The following CNTN5 variants were observed in gnomAD, a reference collection of about 807,000 sequenced individuals.
CNTN5 encodes the protein contactin 5.
Under a neutral mutation model 129.1 loss-of-function variants are expected in CNTN5, and 77 were observed. The ratio of observed to expected loss-of-function variants is 0.60; its 90% confidence interval spans 0.50 to 0.72. The LOEUF (loss-of-function observed/expected upper bound fraction) is 0.72. CNTN5 is among the 30% of genes least tolerant of loss of function. The pLI is 0.00. For missense variants in CNTN5, 1,478 were observed against 1,328.8 expected (o/e 1.11, Z -1.75); for synonymous variants, 509 against 465.6 (o/e 1.09, Z -1.20).
chr11:99,909,948 AC>A (rs1263011580), intron 6 of CNTN5, among the ~76,000 whole-genome samples: 1 of 150,906 alleles, frequency 6.6e-6, no homozygotes, highest in Admixed American at 6.7e-5. Context: ...GTACCCTAAA[AC>A]TTAAAGTATA....
At chr11:100,339,412 A>C (rs976238339) in intron 21 of CNTN5, among the ~76,000 whole-genome samples, 6 of 152,010 alleles carry the variant, frequency 3.9e-5, no homozygotes, top group African/African-American at 1.2e-4. Flanking sequence ...AAGTTAGGCT[A>C]TCTCTCCTCT....
intron 3 of CNTN5, among the ~76,000 whole-genome samples, chr11:99,737,984 A>G (rs988812835): frequency 2.0e-5 from 3 of 152,224 alleles, no homozygotes; most frequent in Non-Finnish European, 2.9e-5. Flanking sequence ...TACTTCTTCA[A>G]GTTTAGTTGA....
At chr11:99,900,488 C>G (rs1949326783) in intron 6 of CNTN5, among the ~76,000 whole-genome samples, 1 of 151,974 alleles carries the variant, frequency 6.6e-6, no homozygotes, top group Non-Finnish European at 1.5e-5. Context: ...TTCCTCTTAC[C>G]ATTGCCTTTG....
chr11:99,286,643 C>A (rs1186364876), intron 1 of CNTN5, among the ~76,000 whole-genome samples: 1 of 152,042 alleles, frequency 6.6e-6, no homozygotes, highest in Admixed American at 6.6e-5. Context: ...CAAAAGAAGC[C>A]TAATGTTTAC....
At chr11:99,766,508 C>T (rs943616183) in intron 3 of CNTN5, among the ~76,000 whole-genome samples, 2 of 151,924 alleles carry the variant, frequency 1.3e-5, no homozygotes, top group African/African-American at 4.8e-5. Context: ...GAATGAAATA[C>T]TATTATTTTA....
chr11:100,354,083 T>C (rs1454173031), intron 24 of CNTN5, among the ~76,000 whole-genome samples: 1 of 151,592 alleles, frequency 6.6e-6, no homozygotes, highest in Admixed American at 6.6e-5. Context: ...TCAATTACTC[T>C]AAGCAAGTTT....
chr11:100,260,021 A>T (rs1367625819), intron 17 of CNTN5, among the ~76,000 whole-genome samples: 1 of 152,122 alleles, frequency 6.6e-6, no homozygotes, highest in Non-Finnish European at 1.5e-5. Context: ...TGTTTTGAAA[A>T]GATTAACAAA....
chr11:100,211,749 G>T (rs911935084), intron 15 of CNTN5, among the ~76,000 whole-genome samples: 5 of 151,896 alleles, frequency 3.3e-5, no homozygotes, highest in Admixed American at 3.3e-4. Context: ...CAGTTTGTTT[G>T]TTTTTTTAAC....
intron 2 of CNTN5, among the ~76,000 whole-genome samples, chr11:99,421,414 T>C (rs932502541): frequency 2.0e-5 from 3 of 152,186 alleles, no homozygotes; most frequent in African/African-American, 2.4e-5. Context: ...ATCCTTGTTG[T>C]AGAAGGAAGC....
chr11:100,173,089 TACTG>T (rs572480814), intron 13 of CNTN5, among the ~76,000 whole-genome samples: 216 of 152,154 alleles, frequency 1.4e-3, no homozygotes, highest in African/African-American at 4.9e-3. Flanking sequence ...GCACCCAGTA[TACTG>T]AAGAAACACC....
intron 8 of CNTN5, among the ~76,000 whole-genome samples, chr11:99,966,531 T>A (rs1951098673): frequency 6.6e-6 from 1 of 152,226 alleles, no homozygotes; most frequent in Non-Finnish European, 1.5e-5. Context: ...CATCTCCCAT[T>A]CCCAGAGTGT....
At chr11:99,580,414 C>G (rs1949534571) in intron 3 of CNTN5, among the ~76,000 whole-genome samples, 2 of 152,166 alleles carry the variant, frequency 1.3e-5, no homozygotes. Flanking sequence ...GGTACCAGCT[C>G]TTCCTTGTAC....
intron 2 of CNTN5, among the ~76,000 whole-genome samples, chr11:99,496,948 G>A (rs936224814): frequency 7.2e-5 from 11 of 152,232 alleles, no homozygotes; most frequent in African/African-American, 2.2e-4. Context: ...TTTTAATATC[G>A]TCGGCCAGAA....
intron 3 of CNTN5, among the ~76,000 whole-genome samples, chr11:99,595,088 G>C (rs1196359584): frequency 6.6e-6 from 1 of 152,210 alleles, no homozygotes; most frequent in Middle Eastern, 3.4e-3. Flanking sequence ...ACCAGAAGAG[G>C]GTGGTCAATG....
chr11:100,224,409 C>T (rs1007427133), intron 15 of CNTN5, among the ~76,000 whole-genome samples: 4 of 152,120 alleles, frequency 2.6e-5, no homozygotes, highest in Non-Finnish European at 5.9e-5. Flanking sequence ...TTCTCCTATA[C>T]TTTTAAATAT....
At chr11:99,760,779 T>C (rs1944552383) in intron 3 of CNTN5, among the ~76,000 whole-genome samples, 1 of 152,050 alleles carries the variant, frequency 6.6e-6, no homozygotes, top group African/African-American at 2.4e-5. Context: ...CTGGTTCATA[T>C]AAAAATCCAA....
chr11:99,980,910 AC>A, intron 8 of CNTN5, among the ~76,000 whole-genome samples: 1 of 151,832 alleles, frequency 6.6e-6, no homozygotes, highest in Non-Finnish European at 1.5e-5. Flanking sequence ...GAGCTAAAAT[AC>A]CTTTAATGAT....
chr11:99,268,442 TATAAA>T (rs1365616515), intron 1 of CNTN5, among the ~76,000 whole-genome samples: 1 of 151,612 alleles, frequency 6.6e-6, no homozygotes, highest in African/African-American at 2.4e-5. Flanking sequence ...TTAGATCATA[TATAAA>T]ATAAAATATA....
rs182621864 is a variant in CNTN5 at position 100,254,398 on chromosome 11, G to A, written c.2006-1362G>A. Among the ~76,000 whole-genome samples, 182 of 152,100 alleles carry A rather than the reference G, an allele frequency of 1.2e-3. 2 individuals carry two copies. Among genetic ancestry groups the A allele is most frequent in the African/African-American group, 4.0e-3 (166 of 41,482 alleles). On this transcript the variant is annotated intron_variant, in intron 16 of 24. Transcript: ENST00000524871. ...TCTCAACGTTTCCCCTTACCATCTC[G>A]AAAACTTTAATTATTTTGCTTCCTT...
Sources: gnomAD v4.1 joint callset for allele counts (sites outside exome capture counted in the v4.1 genomes callset) on GRCh38, gnomAD v4.1.1 for gene constraint, MANE v1.5 for transcripts, NCBI Gene and HGNC (gene_info 2026-07-23, HGNC 2026-07-21) for gene names.